KAZN: variants seen among roughly 807,000 people sequenced by gnomAD.
The protein encoded by KAZN is kazrin, periplakin interacting protein.
In KAZN, 40 loss-of-function variants were observed where a neutral mutation model predicts 87.4. The ratio of observed to expected loss-of-function variants is 0.46; its 90% CI spans 0.36 to 0.60. The LOEUF is 0.60. Among genes scored for constraint, KAZN ranks in the 20% least tolerant of loss-of-function variants. KAZN has a pLI of 0.00. For missense variants in KAZN, 898 were observed against 1,073.9 expected (o/e 0.84, Z 2.29); for synonymous variants, 466 against 458.3 (o/e 1.02, Z -0.22).
chr1:14,039,311 G>A (rs903444060), intron 1 of KAZN, among the ~76,000 whole-genome samples: 29 of 152,126 alleles, frequency 1.9e-4, no homozygotes, highest in African/African-American at 6.0e-4. Context: ...CTGCCTCCAC[G>A]GTCTCCCTAT....
intron 1 of KAZN, among the ~76,000 whole-genome samples, chr1:14,717,253 A>T (rs997204825): frequency 6.6e-6 from 1 of 151,680 alleles, no homozygotes; most frequent in East Asian, 1.9e-4. Context: ...TTCAACAACC[A>T]TGTACCCTGG....
chr1:15,044,758 A>T lies in KAZN; in HGVS notation c.726+599A>T, dbSNP rs190999250. 9.1e-3 allele frequency among the ~76,000 whole-genome samples: 1,380 copies of T among 151,834 alleles called. 17 individuals carry two copies. The highest frequency in any genetic ancestry group is 0.029 in the African/African-American group (1,222 of 41,426). On this transcript the variant is annotated intron_variant, in intron 4 of 14. Transcript: ENST00000376030. ...AAAAAAAAAAAGGAAAGGAAAAAAAATTTTTTTTGTTTAAAATATACATAT... is the reference window on the plus strand; with the variant it reads ...AAAAAAAAAAAGGAAAGGAAAAAAATTTTTTTTTGTTTAAAATATACATAT...
At chr1:15,037,578 T>C (rs901257116) in intron 3 of KAZN, among the ~76,000 whole-genome samples, 1 of 152,098 alleles carries the variant, frequency 6.6e-6, no homozygotes, top group African/African-American at 2.4e-5. Flanking sequence ...GGCATATGCC[T>C]GCTACCATTA....
At chr1:14,655,980 G>A (rs542105784) in intron 1 of KAZN, among the ~76,000 whole-genome samples, 80 of 152,260 alleles carry the variant, frequency 5.3e-4, no homozygotes, top group African/African-American at 1.9e-3. Context: ...CTTATACAGC[G>A]TTTTCACTTG....
intron 2 of KAZN, among the ~76,000 whole-genome samples, chr1:14,196,551 G>A (rs1273555134): frequency 6.6e-6 from 1 of 152,022 alleles, no homozygotes; most frequent in Admixed American, 6.6e-5. Flanking sequence ...ATTTTGGCTT[G>A]GGCATCTGGA....
At chr1:14,422,473 C>A (rs1665489225) in intron 2 of KAZN, among the ~76,000 whole-genome samples, 1 of 152,210 alleles carries the variant, frequency 6.6e-6, no homozygotes, top group Non-Finnish European at 1.5e-5. Flanking sequence ...CTGCACCACC[C>A]AGCCCAATCT....
chr1:14,119,539 A>G (rs1363355723), intron 1 of KAZN, among the ~76,000 whole-genome samples: 1 of 152,088 alleles, frequency 6.6e-6, no homozygotes, highest in African/African-American at 2.4e-5. Context: ...ATCTTTTCCC[A>G]TCTTCCACTT....
At chr1:14,649,625 A>G (rs1432618387) in intron 1 of KAZN, among the ~76,000 whole-genome samples, 1 of 152,174 alleles carries the variant, frequency 6.6e-6, no homozygotes, top group Non-Finnish European at 1.5e-5. Context: ...TTTAAGCAGT[A>G]TCTGCTTTGA....
chr1:14,176,779 AT>A (rs1251362464), intron 1 of KAZN, among the ~76,000 whole-genome samples: 2 of 152,088 alleles, frequency 1.3e-5, no homozygotes, highest in African/African-American at 2.4e-5. Context: ...TATTTGTTTA[AT>A]TTTTTTAGGG....
intron 1 of KAZN, among the ~76,000 whole-genome samples, chr1:14,162,340 A>G (rs540571604): frequency 1.6e-4 from 25 of 152,294 alleles, no homozygotes; most frequent in African/African-American, 5.1e-4. Flanking sequence ...AGTATACTCC[A>G]TTAGAGAAAA....
chr1:14,005,577 G>A (rs548901705), intron 1 of KAZN, among the ~76,000 whole-genome samples: 1 of 152,288 alleles, frequency 6.6e-6, no homozygotes, highest in African/African-American at 2.4e-5. Flanking sequence ...GGCGAGGGTT[G>A]AAGACATAAT....
At chr1:14,398,256 T>C (rs1023322803) in intron 2 of KAZN, among the ~76,000 whole-genome samples, 25 of 152,252 alleles carry the variant, frequency 1.6e-4, no homozygotes, top group Admixed American at 1.6e-3. Context: ...CATACTCTTT[T>C]CCTACAAACG....
At chr1:15,082,128 A>G (rs2100634961) in intron 8 of KAZN, among the ~76,000 whole-genome samples, 1 of 152,176 alleles carries the variant, frequency 6.6e-6, no homozygotes, top group South Asian at 2.1e-4. Context: ...TCACTGCCTC[A>G]ACTCTGCCTC....
intron 1 of KAZN, among the ~76,000 whole-genome samples, chr1:14,620,157 T>C (rs182143106): frequency 4.7e-4 from 72 of 152,374 alleles, no homozygotes; most frequent in Middle Eastern, 3.4e-3. Flanking sequence ...CGTGTATGTA[T>C]AGTCTCTACA....
chr1:14,152,364 C>T (rs1360862177), intron 1 of KAZN, among the ~76,000 whole-genome samples: 2 of 152,210 alleles, frequency 1.3e-5, no homozygotes, highest in Non-Finnish European at 2.9e-5. Context: ...TGGGAACCAT[C>T]CTTCTACTCT....
At chr1:15,067,526 A>C in intron 8 of KAZN, 1 of 985,510 alleles carries the variant, frequency 1.0e-6, no homozygotes, top group Non-Finnish European at 1.2e-6. Flanking sequence ...AACAACTAAC[A>C]GCTCAACCCA....
chr1:14,902,898 T>C (rs1377122059), intron 1 of KAZN, among the ~76,000 whole-genome samples: 8 of 91,204 alleles, frequency 8.8e-5, no homozygotes, highest in African/African-American at 3.3e-4. Context: ...GATGGAGTTT[T>C]GCTCTTGTCA....
intron 1 of KAZN, among the ~76,000 whole-genome samples, chr1:14,720,293 G>C (rs1274778572): frequency 6.6e-6 from 1 of 152,178 alleles, no homozygotes; most frequent in Admixed American, 6.5e-5. Context: ...GGGCAAGACT[G>C]GGCAGCCCCC....
At chr1:14,397,069 T>C (rs1358534792) in intron 2 of KAZN, among the ~76,000 whole-genome samples, 1 of 152,202 alleles carries the variant, frequency 6.6e-6, no homozygotes, top group Non-Finnish European at 1.5e-5. Context: ...AGTCAATGTA[T>C]CTTTGTAAGA....
Sources: allele counts gnomAD v4.1 joint callset (sites outside exome capture counted in the v4.1 genomes callset), GRCh38; gene constraint gnomAD v4.1.1; transcripts MANE v1.5; gene names NCBI Gene and HGNC (gene_info 2026-07-23, HGNC 2026-07-21).